The following GOLM1 variants were observed in gnomAD, a reference collection of about 807,000 sequenced individuals.
GOLM1 encodes the protein epididymis luminal protein 46.
GOLM1 carries 31 observed loss-of-function variants against 50.5 expected under a neutral mutation model. That is an observed-to-expected ratio of 0.61 (90% CI 0.46 to 0.83). The LOEUF (loss-of-function observed/expected upper bound fraction) is 0.83. Among genes scored for constraint, GOLM1 ranks in the 40% least tolerant of loss-of-function variants. The pLI is 0.00. For synonymous variants in GOLM1, 178 were observed against 192.8 expected (o/e 0.92, Z 0.64); for missense variants, 491 against 501.3 (o/e 0.98, Z 0.20).
At position 86,077,462 on chromosome 9, in the gene GOLM1, T is replaced by C. The variant is rs1257021081; in HGVS notation, c.259A>G (p.Ser87Gly). 1.9e-6 allele frequency: 3 copies of C among 1,614,218 alleles called. No individual in the cohort carries two copies. The highest frequency in any genetic ancestry group is 1.1e-5 in the South Asian group (1 of 91,092). Reference sequence around the variant, plus strand: ...ACGCTCTCCAGCTGGAAGTTGTGGCTGGACTGGATTTTGTCAAGCTGCTCC... The same window carrying C: ...ACGCTCTCCAGCTGGAAGTTGTGGCCGGACTGGATTTTGTCAAGCTGCTCC... ...QREQLDKIQS[S>G]HNFQLESVNK... Residue 87 changes from serine (S) to glycine (G), a missense_variant, in exon 3 of 10, where the codon AGC becomes GGC. Physicochemically the swap from Ser to Gly is moderately conservative, Grantham distance 56. Transcript: ENST00000388712.
chr9:86,090,036 G>A (rs1835124979), intron 1 of GOLM1, among the ~76,000 whole-genome samples: 1 of 152,096 alleles, frequency 6.6e-6, no homozygotes, highest in Non-Finnish European at 1.5e-5. Context: ...GTTTGCTGGA[G>A]GTCCACTCCA....
chr9:86,079,605 T>G, intron 1 of GOLM1: 1 of 314,604 alleles, frequency 3.2e-6, no homozygotes. Context: ...TGCCACAGAT[T>G]AGCTCGAGAC....
At chr9:86,088,420 G>GTGTATATATATATATATATATATA (rs1157260470) in intron 1 of GOLM1, among the ~76,000 whole-genome samples, 5 of 86,304 alleles carry the variant, frequency 5.8e-5, no homozygotes, top group African/African-American at 2.9e-4. Context: ...TTTGAAGGGT[G>GTGTATATATATATATATATATATA]TATATATATA....
At chr9:86,074,607 C>G (rs536225285) in intron 3 of GOLM1, among the ~76,000 whole-genome samples, 1 of 152,302 alleles carries the variant, frequency 6.6e-6, no homozygotes, top group African/African-American at 2.4e-5. Context: ...TGGGGGCTCT[C>G]TAGGGTCTAG....
intron 3 of GOLM1, among the ~76,000 whole-genome samples, chr9:86,061,193 C>T (rs1316216471): frequency 6.6e-6 from 1 of 152,162 alleles, no homozygotes; most frequent in Non-Finnish European, 1.5e-5. Context: ...CACAGGCACA[C>T]ATAAGCTTGC....
chr9:86,074,824 C>T (rs1834564996), intron 3 of GOLM1, among the ~76,000 whole-genome samples: 1 of 152,176 alleles, frequency 6.6e-6, no homozygotes, highest in Non-Finnish European at 1.5e-5. Context: ...AGCCCCACCA[C>T]ACTGCTTGCT....
rs36119587 is a variant in GOLM1 at position 86,033,965 on chromosome 9, CTTT to C, written c.1016-573_1016-571del. ...GTGTATGCAGGCTGGTAAACAAAAT[CTTT>C]TTTTTTTTTTTTTTGAGATGGAGTC... is the stretch of plus-strand genomic sequence containing the variant. On this transcript the variant is annotated intron_variant, in intron 8 of 9. Transcript: ENST00000388712. Among the ~76,000 whole-genome samples, 196 of 138,520 alleles carry C rather than the reference CTTT, an allele frequency of 1.4e-3. 4 individuals are homozygous for C. The South Asian group carries it at 0.035, about 25-fold the overall frequency. The allele number at this position is 138,520 out of a possible 152,430, so 90.9% of individuals were successfully genotyped here. A position where few individuals can be genotyped will look rare whatever the true frequency, so the allele number is the denominator to read the frequency against.
rs963981081 is a variant in GOLM1 at position 86,026,874 on chromosome 9, C to G, written c.*943G>C. ...TGTATTCCTGTTTTTCTAAACAGTCCTAATTTCTAACACTGTATATATCCT... is the reference window on the plus strand; with the variant it reads ...TGTATTCCTGTTTTTCTAAACAGTCGTAATTTCTAACACTGTATATATCCT... On this transcript the variant is annotated 3_prime_UTR_variant, in exon 10 of 10. Coordinates refer to ENST00000388712, the MANE Select transcript of GOLM1 (RefSeq NM_016548.4). 2.0e-6 allele frequency: 2 copies of G among 983,550 alleles called. No individual in the cohort carries two copies. The highest frequency in any genetic ancestry group is 3.5e-5 in the African/African-American group (2 of 57,144). The allele number at this position is 983,550 out of a possible 1,614,324, so 60.9% of individuals were successfully genotyped here.
intron 9 of GOLM1, among the ~76,000 whole-genome samples, chr9:86,031,215 G>GA (rs968642193): frequency 0.042 from 6,058 of 142,816 alleles, 392 homozygotes; most frequent in African/African-American, 0.15. Context: ...ATCTGAGGAA[G>GA]AAAAAAAAAA....
intron 5 of GOLM1, among the ~76,000 whole-genome samples, chr9:86,044,991 T>A (rs1311363792): frequency 6.6e-6 from 1 of 152,142 alleles, no homozygotes; most frequent in Non-Finnish European, 1.5e-5. Context: ...GTTGTCATTA[T>A]TTAGGAGACA....
At position 86,035,490 on chromosome 9, in the gene GOLM1, TG is replaced by T. The variant is rs774282012; in HGVS notation, c.892del (p.Gln298ArgfsTer11). 6.2e-7 allele frequency: 1 copy of T among 1,613,470 alleles called. No homozygotes were observed. The highest frequency in any genetic ancestry group is 1.1e-5 in the South Asian group (1 of 91,072). On this transcript the variant is annotated frameshift_variant, in exon 8 of 10. Coordinates refer to ENST00000388712, the MANE Select transcript of GOLM1 (RefSeq NM_016548.4). LOFTEE classifies it high-confidence loss of function. ...RGFGGAGELG[Q>X]TPQVQAALSV... The stretch of plus-strand genomic sequence containing the variant: ...CAGGGCAGCCTGCACCTGTGGGGTC[TG>T]GCCCAGTTCTCCGGCTCCCCCGAAG...
At chr9:86,049,006 TAG>T in intron 4 of GOLM1, among the ~76,000 whole-genome samples, 1 of 152,352 alleles carries the variant, frequency 6.6e-6, no homozygotes, top group Non-Finnish European at 1.5e-5. Flanking sequence ...TTTATGGTTT[TAG>T]GTCTAACATT....
rs750106968 is a variant in GOLM1 at position 86,079,273 on chromosome 9, G to A, written c.48C>T (p.Leu16=). 19 of 1,609,592 alleles carry A rather than the reference G, an allele frequency of 1.2e-5. No homozygotes were observed. Among genetic ancestry groups the A allele is most frequent in the Non-Finnish European group, 1.4e-5 (16 of 1,176,940 alleles). ...NGRRSMKSPP[L]VLAALVACII... ...TGCAGGCCACCAGGGCGGCCAGCAC[G>A]AGGGGCGGCGACTTCATGCTGCGAC... Residue 16 remains leucine, a synonymous_variant, in exon 2 of 10, where the codon CTC becomes CTT. Transcript: ENST00000388712.
chr9:86,064,776 A>G (rs1011289107), intron 3 of GOLM1, among the ~76,000 whole-genome samples: 2 of 152,134 alleles, frequency 1.3e-5, no homozygotes, highest in African/African-American at 4.8e-5. Context: ...ACTGTGGGGG[A>G]CAGCGCTGCT....
At chr9:86,034,337 G>A (rs1454899626) in intron 8 of GOLM1, among the ~76,000 whole-genome samples, 4 of 152,178 alleles carry the variant, frequency 2.6e-5, no homozygotes, top group African/African-American at 9.7e-5. Context: ...TGCCTGGGGT[G>A]GAAACTGCAC....
intron 3 of GOLM1, 146 bp from the exon 4 acceptor site, chr9:86,052,737 C>T (rs541734291): frequency 3.3e-6 from 2 of 598,668 alleles, no homozygotes; most frequent in South Asian, 3.7e-5. Context: ...AGGCTGGGCC[C>T]TCCCATGTCT....
intron 3 of GOLM1, among the ~76,000 whole-genome samples, chr9:86,053,585 A>ACCATT: frequency 7.2e-4 from 1 of 1,386 alleles, no homozygotes; most frequent in Non-Finnish European, 3.3e-3. Flanking sequence ...CACACCACAC[A>ACCATT]CCACACCACT....
chr9:86,043,347 A>G (rs1038865806), intron 5 of GOLM1, among the ~76,000 whole-genome samples: 3 of 152,210 alleles, frequency 2.0e-5, no homozygotes, highest in Non-Finnish European at 4.4e-5. Flanking sequence ...TACCTTGTAC[A>G]TCAGGAAACC....
At chr9:86,072,952 A>C (rs935847751) in intron 3 of GOLM1, among the ~76,000 whole-genome samples, 5 of 152,216 alleles carry the variant, frequency 3.3e-5, no homozygotes, top group Non-Finnish European at 5.9e-5. Context: ...AAAAGTAGTA[A>C]GTATTTGTGT....
Sources: allele counts gnomAD v4.1 joint callset (sites outside exome capture counted in the v4.1 genomes callset), GRCh38; gene constraint gnomAD v4.1.1; transcripts MANE v1.5; gene names NCBI Gene and HGNC (gene_info 2026-07-23, HGNC 2026-07-21).